The following KCNH2 variants were observed in gnomAD, a reference collection of about 807,000 sequenced individuals.
KCNH2 encodes potassium voltage-gated channel subfamily H member 2, also known as voltage-gated inwardly rectifying potassium channel KCNH2.
A neutral mutation model predicts 95.9 loss-of-function variants in KCNH2; 35 were observed. The observed-to-expected ratio is 0.37, with a 90% CI of 0.28 to 0.48. The LOEUF (loss-of-function observed/expected upper bound fraction) is 0.48, where lower values mean the gene tolerates loss of function less well. KCNH2 is among the 20% of genes least tolerant of loss of function. KCNH2 has a pLI of 0.99. For missense variants in KCNH2, 1,274 were observed against 1,702.9 expected, an observed-to-expected ratio of 0.75 and a Z score of 4.43; for synonymous variants, 786 against 754.7, an observed-to-expected ratio of 1.04 and a Z score of -0.68.
At chr7:150,947,168 CCG>C in intron 13 of KCNH2, 114 bp from the exon 14 acceptor site, 1 of 1,129,090 alleles carries the variant, frequency 8.9e-7, no homozygotes, top group Non-Finnish European at 1.2e-6. Flanking sequence ...CCCAGGCCCT[CCG>C]CGCTAGAGGT....
At chr7:150,958,552 A>G in intron 3 of KCNH2, 50 bp from the exon 4 acceptor site, 1 of 1,446,426 alleles carries the variant, frequency 6.9e-7, no homozygotes, top group South Asian at 1.3e-5. Flanking sequence ...GCAGCCCCGG[A>G]GCGGGCAAGG....
At chr7:150,955,774 C>A in intron 5 of KCNH2, 6 of 1,212,808 alleles carry the variant, frequency 4.9e-6, no homozygotes, top group Middle Eastern at 3.2e-4. Flanking sequence ...CCGTGCTCTG[C>A]CCGCCCGCCA....
chr7:150,969,958 C>T (rs1009082777), intron 2 of KCNH2, among the ~76,000 whole-genome samples: 2 of 152,112 alleles, frequency 1.3e-5, no homozygotes, highest in Admixed American at 6.5e-5. Context: ...ATCACCTGTC[C>T]CAGCACCCCT....
intron 5 of KCNH2, chr7:150,955,299 C>T: frequency 8.0e-7 from 1 of 1,245,072 alleles, no homozygotes; most frequent in South Asian, 1.3e-5. Flanking sequence ...TACTTCCCAG[C>T]AGCCCTCTCC....
chr7:150,958,239 C>G lies in KCNH2; in HGVS notation c.736G>C (p.Gly246Arg). 1 of 1,401,522 alleles carries G rather than the reference C, an allele frequency of 7.1e-7. No homozygotes were observed. Among genetic ancestry groups the G allele is most frequent in the South Asian group, 1.6e-5 (1 of 64,236 alleles). 86.8% of individuals were successfully genotyped at this position (1,401,522 alleles called of 1,614,324 possible). The change falls in exon 4 of 15, where the codon GGC (glycine) becomes CGC (arginine). Residue 246 changes from glycine (G) to arginine (R), a missense_variant. By Grantham distance (125) the Gly-to-Arg change is moderately radical. Transcript: ENST00000262186. ...TGCGCCCGGGGCGATGGGAGCTGGCCGGGCGCGCTGCGGGGCGGAGAGCCG... is the reference window on the plus strand; with the variant it reads ...TGCGCCCGGGGCGATGGGAGCTGGCGGGGCGCGCTGCGGGGCGGAGAGCCG... The part of the protein sequence containing the change: ...GPGSPPRSAP[G>R]QLPSPRAHSL...
Position 150,974,714 on chromosome 7 carries a change from C to A in KCNH2, c.304G>T (p.Asp102Tyr). ...CCCCGCCCCGGCCCGCTCCTACCAT[C>A]TTTCCGGTAGAAGGCGATTTCCACT... The part of the protein sequence containing the change: ...RKVEIAFYRK[D>Y]GSCFLCLVDV... The change falls in exon 2 of 15, where the codon GAT (aspartate) becomes TAT (tyrosine). Residue 102 changes from aspartate to tyrosine, a missense_variant. By Grantham distance (160) the Asp-to-Tyr change is radical. Coordinates refer to ENST00000262186, the MANE Select transcript of KCNH2 (RefSeq NM_000238.4). 6.9e-7 allele frequency: 1 copy of A among 1,454,692 alleles called. No individual in the cohort carries two copies. Among genetic ancestry groups the A allele is most frequent in the Non-Finnish European group, 9.2e-7 (1 of 1,081,202 alleles). 90.1% of individuals were successfully genotyped at this position (1,454,692 alleles called of 1,614,324 possible).
At chr7:150,959,426 G>T in intron 3 of KCNH2, 146 bp downstream of exon 3, 2 of 873,354 alleles carry the variant, frequency 2.3e-6, no homozygotes, top group East Asian at 2.6e-5. Context: ...TCAGGGTACA[G>T]GGTTCACTTC....
rs1801207502 is a variant in KCNH2, at chr7:150,952,376, T to C, written c.1557+49A>G. ...CTCCACCCCACTACCTCCCACCACA[T>C]TCCTGGCCTCTCCTCTCCCTACACC... On this transcript the variant is annotated intron_variant, in intron 6 of 14. Transcript: ENST00000262186. This position sits in a 1 kb window ranked among gnomAD's most constrained non-coding sequence, Gnocchi z 7.3. 1 of 1,572,670 alleles carries C rather than the reference T, an allele frequency of 6.4e-7. No individual in the cohort carries two copies. The highest frequency in any genetic ancestry group is 8.7e-7 in the Non-Finnish European group (1 of 1,150,048).
intron 3 of KCNH2, 144 bp downstream of exon 3, chr7:150,959,428 G>T: frequency 2.2e-6 from 2 of 899,640 alleles, no homozygotes; most frequent in Non-Finnish European, 3.4e-6. Flanking sequence ...AGGGTACAGG[G>T]TTCACTTCCC....
At chr7:150,970,266 C>A (rs372257847) in intron 2 of KCNH2, among the ~76,000 whole-genome samples, 1 of 86,348 alleles carries the variant, frequency 1.2e-5, no homozygotes, top group Admixed American at 1.6e-4. Context: ...TCTCCCCCCT[C>A]ACACACCCCC....
intron 5 of KCNH2, among the ~76,000 whole-genome samples, chr7:150,954,673 A>G (rs1156491421): frequency 6.6e-6 from 1 of 152,188 alleles, no homozygotes; most frequent in African/African-American, 2.4e-5. Flanking sequence ...GTATGAGCCA[A>G]GGCAGAATGT....
chr7:150,960,697 C>A (rs534684029), intron 2 of KCNH2, among the ~76,000 whole-genome samples: 1 of 152,314 alleles, frequency 6.6e-6, no homozygotes, highest in African/African-American at 2.4e-5. Context: ...GCTTCTAGAT[C>A]TTTCATCTTC....
chr7:150,977,944 C>A lies in KCNH2; in HGVS notation c.-31G>T, dbSNP rs1408437998. Reference sequence around the variant, plus strand: ...GCCCATGGGCGGGCCGGGCGGGCCCCCACCCACCCCGGCCCGGCCCGGCCC... The same window carrying A: ...GCCCATGGGCGGGCCGGGCGGGCCCACACCCACCCCGGCCCGGCCCGGCCC... On this transcript the variant is annotated 5_prime_UTR_variant, in exon 1 of 15. Coordinates refer to ENST00000262186, the MANE Select transcript of KCNH2 (RefSeq NM_000238.4). 4.6e-6 allele frequency: 7 copies of A among 1,506,744 alleles called. No homozygotes were observed. In the African/African-American group the frequency reaches 1.0e-4, roughly 21 times the overall value. The allele number at this position is 1,506,744 out of a possible 1,614,324, so 93.3% of individuals were successfully genotyped here.
intron 11 of KCNH2, among the ~76,000 whole-genome samples, 171 bp from the exon 12 acceptor site, chr7:150,948,049 T>G (rs371792644): frequency 1.2e-4 from 18 of 152,068 alleles, no homozygotes; most frequent in African/African-American, 4.3e-4. Flanking sequence ...GACCAAGAAC[T>G]CCCAGGACCC....
intron 1 of KCNH2, 88 bp downstream of exon 1, chr7:150,977,750 C>T (rs894897973): frequency 4.3e-6 from 5 of 1,170,664 alleles, no homozygotes; most frequent in African/African-American, 3.1e-5. Context: ...CCGACGCACA[C>T]GGCCCGGGCA....
At position 150,948,542 on chromosome 7, in the gene KCNH2, G is replaced by C. The variant is rs768059097; in HGVS notation, c.2594C>G (p.Thr865Ser). Residue 865 changes from threonine (T) to serine (S), a missense_variant and splice_region_variant, in exon 11 of 15, where the codon ACC becomes AGC. By Grantham distance (58) the Thr-to-Ser change is moderately conservative (BLOSUM62 1). Coordinates refer to ENST00000262186, the MANE Select transcript of KCNH2 (RefSeq NM_000238.4). ...GCCGGGGGAGCCCGGGATCATGTTG[G>C]TCTGGAACCAAAATCAGTATCAGGG... ...SLEITFNLRDTNMIPGSPGST... is the reference protein window; with the variant it reads ...SLEITFNLRDSNMIPGSPGST... The C allele has an allele frequency of 1.2e-6, 2 of 1,613,438 alleles. No homozygotes were observed. The highest frequency in any genetic ancestry group is 2.2e-5 in the South Asian group (2 of 91,074).
intron 3 of KCNH2, 51 bp from the exon 4 acceptor site, chr7:150,958,553 G>A (rs555855390): frequency 1.4e-6 from 2 of 1,441,456 alleles, no homozygotes; most frequent in Non-Finnish European, 1.8e-6. Flanking sequence ...CAGCCCCGGA[G>A]CGGGCAAGGC....
At chr7:150,955,766 G>C in intron 5 of KCNH2, 1 of 1,232,540 alleles carries the variant, frequency 8.1e-7, no homozygotes, top group Non-Finnish European at 1.0e-6. Flanking sequence ...CCAGGGTGCC[G>C]TGCTCTGCCC....
At chr7:150,953,319 T>C (rs1158058456) in intron 5 of KCNH2, among the ~76,000 whole-genome samples, 1 of 152,148 alleles carries the variant, frequency 6.6e-6, no homozygotes, top group Non-Finnish European at 1.5e-5. Flanking sequence ...CTGCAGTTCT[T>C]ACCAGCCCCT....
Sources: gnomAD v4.1 joint callset for allele counts (sites outside exome capture counted in the v4.1 genomes callset) on GRCh38, gnomAD v4.1.1 for gene constraint, Gnocchi (gnomAD v3.1) non-coding constraint, MANE v1.5 for transcripts, NCBI Gene and HGNC (gene_info 2026-07-23, HGNC 2026-07-21) for gene names.